The following TBC1D10A variants were observed in gnomAD, a reference collection of about 807,000 sequenced individuals.
The protein encoded by TBC1D10A is TBC1 domain family member 10A.
A neutral mutation model predicts 52.9 loss-of-function variants in TBC1D10A; 24 were observed. That is an observed-to-expected ratio of 0.45 (90% CI 0.33 to 0.64). TBC1D10A has a LOEUF of 0.64. TBC1D10A is among the 30% of genes least tolerant of loss of function. The pLI is 0.02. For missense variants in TBC1D10A, 602 were observed against 687.9 expected (o/e 0.88, Z 1.40); for synonymous variants, 278 against 282.9 (o/e 0.98, Z 0.17).
At chr22:30,325,250 G>A (rs1930742170) in intron 1 of TBC1D10A, among the ~76,000 whole-genome samples, 1 of 152,234 alleles carries the variant, frequency 6.6e-6, no homozygotes, top group Admixed American at 6.5e-5. Context: ...GTGGGTGAGA[G>A]GGAACTCCCC....
chr22:30,324,201 G>A (rs1930718219), intron 1 of TBC1D10A, among the ~76,000 whole-genome samples: 1 of 152,248 alleles, frequency 6.6e-6, no homozygotes, highest in South Asian at 2.1e-4. Context: ...GAGGGCTAAC[G>A]TTTCACTTCT....
chr22:30,311,671 G>A (rs1394912842), intron 1 of TBC1D10A, among the ~76,000 whole-genome samples: 1 of 152,130 alleles, frequency 6.6e-6, no homozygotes, highest in African/African-American at 2.4e-5. Context: ...TGTGAGAAAT[G>A]GTTCCTTTAG....
intron 2 of TBC1D10A, among the ~76,000 whole-genome samples, chr22:30,301,102 C>G (rs190481710): frequency 6.6e-6 from 1 of 152,186 alleles, no homozygotes; most frequent in East Asian, 1.9e-4. Flanking sequence ...AATCAGAAAC[C>G]CTACTACCTC....
intron 7 of TBC1D10A, 33 bp from the exon 8 acceptor site, chr22:30,293,838 G>C: frequency 1.2e-6 from 2 of 1,601,972 alleles, no homozygotes; most frequent in Non-Finnish European, 8.5e-7. Context: ...GTACAAGGAA[G>C]CTTTTTGGGG....
chr22:30,326,579 G>A (rs1447390973), intron 1 of TBC1D10A, 94 bp downstream of exon 1: 6 of 1,228,476 alleles, frequency 4.9e-6, no homozygotes, highest in Non-Finnish European at 6.6e-6. Flanking sequence ...TGCCTGGGAG[G>A]GGGACGTGTC....
chr22:30,317,289 C>T (rs1193698467), intron 1 of TBC1D10A, among the ~76,000 whole-genome samples: 1 of 151,888 alleles, frequency 6.6e-6, no homozygotes, highest in Non-Finnish European at 1.5e-5. Context: ...GCACCTAAAA[C>T]CCCAGCTACT....
At position 30,292,272 on chromosome 22, in the gene TBC1D10A, G is replaced by T; in HGVS notation, c.*103C>A. 1 of 1,075,926 alleles carries T rather than the reference G, an allele frequency of 9.3e-7. No homozygotes were observed. The highest frequency in any genetic ancestry group is 1.3e-6 in the Non-Finnish European group (1 of 756,390). 66.6% of individuals were successfully genotyped at this position (1,075,926 alleles called of 1,614,324 possible). A position where few individuals can be genotyped will look rare whatever the true frequency, so the allele number is the denominator to read the frequency against. On this transcript the variant is annotated 3_prime_UTR_variant, in exon 9 of 9. Coordinates refer to ENST00000215790, the MANE Select transcript of TBC1D10A (RefSeq NM_031937.3). ...AGCCAGACTCCAGCCCAGCCCAGTG[G>T]CCAGGCAGCTTGGCCCTCAGAGGGT...
intron 6 of TBC1D10A, 24 bp from the exon 7 acceptor site, chr22:30,294,134 G>A: frequency 6.2e-7 from 1 of 1,607,468 alleles, no homozygotes; most frequent in East Asian, 2.2e-5. Flanking sequence ...GAGGCCACGG[G>A]ACCATGACCG....
chr22:30,303,482 T>A (rs1930249647), intron 2 of TBC1D10A, among the ~76,000 whole-genome samples: 1 of 152,196 alleles, frequency 6.6e-6, no homozygotes, highest in African/African-American at 2.4e-5. Flanking sequence ...AACAGGATTA[T>A]CACTCCCATT....
At chr22:30,326,161 G>T (rs1245642922) in intron 1 of TBC1D10A, among the ~76,000 whole-genome samples, 1 of 151,304 alleles carries the variant, frequency 6.6e-6, no homozygotes, top group Admixed American at 6.6e-5. Context: ...GGGTGGGGGC[G>T]GGGCAGTCAG....
intron 3 of TBC1D10A, 102 bp downstream of exon 3, chr22:30,299,342 G>T: frequency 8.4e-7 from 1 of 1,188,438 alleles, no homozygotes; most frequent in Non-Finnish European, 1.2e-6. Flanking sequence ...TTCATGGACT[G>T]CTCATCCTGT....
chr22:30,326,540 CA>C, intron 1 of TBC1D10A, 132 bp downstream of exon 1: 1 of 680,534 alleles, frequency 1.5e-6, no homozygotes, highest in Non-Finnish European at 2.0e-6. Flanking sequence ...GGGGGTGGGG[CA>C]GGGGAGGGAA....
At chr22:30,324,155 T>C (rs1221487499) in intron 1 of TBC1D10A, among the ~76,000 whole-genome samples, 1 of 152,130 alleles carries the variant, frequency 6.6e-6, no homozygotes, top group East Asian at 1.9e-4. Context: ...ACCTTTAATC[T>C]GGAGTCAGAG....
At chr22:30,292,923 C>T (rs890155568) in intron 8 of TBC1D10A, 72 bp from the exon 9 acceptor site, 4 of 1,531,610 alleles carry the variant, frequency 2.6e-6, no homozygotes, top group Non-Finnish European at 2.7e-6. Context: ...CCAGCCTGGG[C>T]CCCCAGTCTT....
chr22:30,320,028 C>T (rs776607956), intron 1 of TBC1D10A, among the ~76,000 whole-genome samples: 13 of 152,172 alleles, frequency 8.5e-5, no homozygotes, highest in Admixed American at 2.0e-4. Context: ...GATCCCTCTC[C>T]GGTCTGGCTC....
intron 1 of TBC1D10A, among the ~76,000 whole-genome samples, chr22:30,308,316 A>ATGCATGCCTGCC (rs1930357041): frequency 7.7e-6 from 1 of 130,292 alleles, no homozygotes; most frequent in Admixed American, 7.5e-5. Flanking sequence ...GCCTGCCTGC[A>ATGCATGCCTGCC]TGCCTGCATG....
chr22:30,302,615 G>A (rs1022016553), intron 2 of TBC1D10A, among the ~76,000 whole-genome samples: 12 of 152,236 alleles, frequency 7.9e-5, no homozygotes, highest in African/African-American at 2.7e-4. Context: ...GAGATGGCAC[G>A]AGGGGCACCC....
intron 1 of TBC1D10A, among the ~76,000 whole-genome samples, chr22:30,319,731 TAC>T (rs1930613696): frequency 6.6e-6 from 1 of 152,132 alleles, no homozygotes; most frequent in Non-Finnish European, 1.5e-5. Flanking sequence ...GGGTGGCCAG[TAC>T]AGTGTTCTCC....
In TBC1D10A at chr22:30,304,570, G is replaced by A. The variant is rs747211182; in HGVS notation, c.270C>T (p.Leu90=). ...RQRESKWLDM[L]NNWDKWMAKK... is the part of the protein sequence containing the mutation. ...TGGCCATCCATTTGTCCCAGTTGTTGAGCATGTCCAGCCACTTGGACTCCC... is the reference window on the plus strand; with the variant it reads ...TGGCCATCCATTTGTCCCAGTTGTTAAGCATGTCCAGCCACTTGGACTCCC... Residue 90 remains leucine, a synonymous_variant, in exon 2 of 9, where the codon CTC becomes CTT. Transcript: ENST00000215790. 1 of 1,614,058 alleles carries A rather than the reference G, an allele frequency of 6.2e-7. No individual in the cohort carries two copies. The highest frequency in any genetic ancestry group is 1.1e-5 in the South Asian group (1 of 91,056).
Sources: gnomAD v4.1 joint callset for allele counts (sites outside exome capture counted in the v4.1 genomes callset) on GRCh38, gnomAD v4.1.1 for gene constraint, MANE v1.5 for transcripts, NCBI Gene and HGNC (gene_info 2026-07-23, HGNC 2026-07-21) for gene names.